Variants in LAMP5 observed in about 807,000 individuals in gnomAD.
LAMP5 encodes the protein lysosome associated membrane protein 5, also known as lysosome-associated membrane glycoprotein 5.
A neutral mutation model predicts 30.2 loss-of-function variants in LAMP5; 36 were observed. The ratio of observed to expected loss-of-function variants is 1.19; its 90% CI spans 0.91 to 1.57. The LOEUF is 1.57. Among genes scored for constraint, LAMP5 ranks in the 40% most tolerant of loss-of-function variants. The pLI, the probability that LAMP5 is intolerant of heterozygous loss-of-function variation, is 0.00. For synonymous variants in LAMP5, 149 were observed against 134.6 expected (o/e 1.11, Z -0.74); for missense variants, 377 against 354.9 (o/e 1.06, Z -0.50).
chr20:9,528,376 TACAA>T (rs1483552449), intron 5 of LAMP5, among the ~76,000 whole-genome samples: 1 of 151,808 alleles, frequency 6.6e-6, no homozygotes, highest in Non-Finnish European at 1.5e-5. Context: ...GGTTAATGAG[TACAA>T]ACATATAGTT....
chr20:9,524,591 G>T (rs1257524702), intron 5 of LAMP5, among the ~76,000 whole-genome samples: 3 of 56,806 alleles, frequency 5.3e-5, no homozygotes, highest in African/African-American at 2.4e-4. Context: ...AACCCAGATC[G>T]AACTAAAAAA....
In LAMP5 at chr20:9,530,004, A is replaced by T; in HGVS notation, c.*184A>T. On this transcript the variant is annotated 3_prime_UTR_variant, in exon 6 of 6. Coordinates refer to ENST00000246070, the MANE Select transcript of LAMP5 (RefSeq NM_012261.4). Reference sequence around the variant, plus strand: ...CCACGGAAGGGGGAGACTCTTTCGGATTTGTAGGGTGAAATGGCAATTATT... The same window carrying T: ...CCACGGAAGGGGGAGACTCTTTCGGTTTTGTAGGGTGAAATGGCAATTATT... 1.9e-6 allele frequency: 1 copy of T among 532,042 alleles called. No homozygotes were observed. The highest frequency in any genetic ancestry group is 3.3e-6 in the Non-Finnish European group (1 of 307,532). The allele number at this position is 532,042 out of a possible 1,614,324, so 33.0% of individuals were successfully genotyped here.
intron 5 of LAMP5, among the ~76,000 whole-genome samples, chr20:9,528,504 T>C (rs1290040295): frequency 6.6e-6 from 1 of 152,154 alleles, no homozygotes; most frequent in African/African-American, 2.4e-5. Context: ...TGTTTACACA[T>C]AGAAATGATA....
At chr20:9,517,961 A>T (rs2045052640) in intron 4 of LAMP5, 79 bp from the exon 5 acceptor site, 1 of 1,310,402 alleles carries the variant, frequency 7.6e-7, no homozygotes, top group African/African-American at 1.5e-5. Flanking sequence ...TCTGGAACTG[A>T]GAGGCAATAG....
intron 4 of LAMP5, among the ~76,000 whole-genome samples, chr20:9,516,836 G>T (rs920014538): frequency 5.9e-5 from 9 of 152,156 alleles, no homozygotes; most frequent in African/African-American, 1.9e-4. Flanking sequence ...GCTCGCACGG[G>T]ATATTCAGTC....
At chr20:9,525,436 G>A (rs2045106051) in intron 5 of LAMP5, among the ~76,000 whole-genome samples, 1 of 152,080 alleles carries the variant, frequency 6.6e-6, no homozygotes. Context: ...GATTTTACAG[G>A]AAACTGAAGC....
At chr20:9,515,690 A>C in intron 2 of LAMP5, 65 bp downstream of exon 2, 1 of 1,555,082 alleles carries the variant, frequency 6.4e-7, no homozygotes, top group Non-Finnish European at 8.7e-7. Context: ...ACCCTTCCTC[A>C]AGGCTCTTCG....
At chr20:9,515,671 G>C (rs1291439072) in intron 2 of LAMP5, 46 bp downstream of exon 2, 1 of 1,594,712 alleles carries the variant, frequency 6.3e-7, no homozygotes, top group Non-Finnish European at 8.6e-7. Flanking sequence ...GGGCTCCAGG[G>C]CGAAGGGCAC....
At chr20:9,518,815 G>A (rs1396608149) in intron 5 of LAMP5, among the ~76,000 whole-genome samples, 1 of 152,250 alleles carries the variant, frequency 6.6e-6, no homozygotes, top group African/African-American at 2.4e-5. Context: ...AGAAGGCAGA[G>A]GGGGTGGGTG....
At chr20:9,523,867 C>T (rs1156975532) in intron 5 of LAMP5, among the ~76,000 whole-genome samples, 1 of 152,156 alleles carries the variant, frequency 6.6e-6, no homozygotes, top group Non-Finnish European at 1.5e-5. Context: ...GTTGCATAAT[C>T]AGTTTACAAT....
chr20:9,518,284 G>A (rs1424388102), intron 5 of LAMP5, 56 bp downstream of exon 5: 3 of 1,516,916 alleles, frequency 2.0e-6, no homozygotes, highest in African/African-American at 1.4e-5. Context: ...GGAAGGATGA[G>A]AGAGGGACCT....
intron 2 of LAMP5, 135 bp from the exon 3 acceptor site, chr20:9,515,865 T>G (rs1199678086): frequency 1.4e-5 from 15 of 1,099,490 alleles, no homozygotes; most frequent in Non-Finnish European, 1.8e-5. Context: ...TCTAACCGCA[T>G]GTTCCCGGAA....
chr20:9,523,520 G>A (rs1195215380), intron 5 of LAMP5, among the ~76,000 whole-genome samples: 1 of 152,192 alleles, frequency 6.6e-6, no homozygotes, highest in African/African-American at 2.4e-5. Flanking sequence ...TATGATTTTA[G>A]TGGGTACACT....
intron 5 of LAMP5, among the ~76,000 whole-genome samples, chr20:9,518,764 T>C (rs1212904681): frequency 2.0e-5 from 3 of 152,264 alleles, no homozygotes; most frequent in African/African-American, 4.8e-5. Context: ...ATACTTCTAG[T>C]TGAAGATTCT....
Position 9,529,979 on chromosome 20 carries a change from C to T in LAMP5, c.*159C>T. 2 of 624,262 alleles carry T rather than the reference C, an allele frequency of 3.2e-6. No individual in the cohort carries two copies. Among genetic ancestry groups the T allele is most frequent in the Admixed American group, 6.0e-5 (2 of 33,194 alleles). 38.7% of individuals were successfully genotyped at this position (624,262 alleles called of 1,614,324 possible). ...GCTTGGCTTGTGTCCATGCTTAAAC[C>T]CACGGAAGGGGGAGACTCTTTCGGA... is the stretch of plus-strand genomic sequence containing the variant. On this transcript the variant is annotated 3_prime_UTR_variant, in exon 6 of 6. Transcript: ENST00000246070.
intron 5 of LAMP5, among the ~76,000 whole-genome samples, chr20:9,528,320 G>GCA (rs2045127667): frequency 7.1e-6 from 1 of 141,780 alleles, no homozygotes; most frequent in African/African-American, 2.8e-5. Context: ...GTGTGTGTGT[G>GCA]TGCGTGTGTG....
rs2045055841 is a variant in LAMP5 at position 9,518,200 on chromosome 20, C to T, written c.636C>T (p.Asp212=). 1 of 1,614,002 alleles carries T rather than the reference C, an allele frequency of 6.2e-7. No homozygotes were observed. The highest frequency in any genetic ancestry group is 1.3e-5 in the African/African-American group (1 of 74,912). ...ILSAVHIQPF[D]IISDFVFSEE... Reference sequence around the variant, plus strand: ...CTGCGGTCCACATCCAACCTTTTGACATTATCTCAGATTTTGTCTTCAGTG... The same window carrying T: ...CTGCGGTCCACATCCAACCTTTTGATATTATCTCAGATTTTGTCTTCAGTG... Residue 212 remains aspartate (D), a synonymous_variant, in exon 5 of 6, where the codon GAC becomes GAT. Transcript: ENST00000246070.
intron 5 of LAMP5, among the ~76,000 whole-genome samples, chr20:9,519,813 A>G (rs563297292): frequency 2.2e-4 from 34 of 152,310 alleles, no homozygotes; most frequent in Non-Finnish European, 4.0e-4. Flanking sequence ...AGCTGTTACT[A>G]GGCGCTTCTT....
rs992537802 is a variant in LAMP5 at position 9,523,643 on chromosome 20, G to T, written c.664+5415G>T. 5.3e-5 allele frequency among the ~76,000 whole-genome samples: 8 copies of T among 152,052 alleles called. No individual in the cohort carries two copies. The South Asian group carries it at 1.2e-3, about 24-fold the overall frequency. The stretch of plus-strand genomic sequence containing the variant: ...CTTTCCAATGATGAGGCTGGTTTTT[G>T]TCTCTTCCAGCCACAAGCCACTTAC... On this transcript the variant is annotated intron_variant, in intron 5 of 5. Transcript: ENST00000246070.
Sources: gnomAD v4.1 joint callset for allele counts (sites outside exome capture counted in the v4.1 genomes callset) on GRCh38, gnomAD v4.1.1 for gene constraint, MANE v1.5 for transcripts, NCBI Gene and HGNC (gene_info 2026-07-23, HGNC 2026-07-21) for gene names.